MAD1L1: variants seen among roughly 807,000 people sequenced by gnomAD.
MAD1L1 encodes mitotic spindle assembly checkpoint protein MAD1.
MAD1L1 carries 95 observed loss-of-function variants against 96.9 expected under a neutral mutation model. The observed-to-expected ratio is 0.98, with a 90% CI of 0.83 to 1.16. The LOEUF (loss-of-function observed/expected upper bound fraction) is 1.16. Among genes scored for constraint, MAD1L1 ranks in the 50% most tolerant of loss-of-function variants. The probability of loss-of-function intolerance (pLI) is 0.00; values close to 1 mark genes in which losing one functional copy is unlikely to be tolerated. For missense variants in MAD1L1, 1,007 were observed against 954.4 expected (o/e 1.06, Z -0.73); for synonymous variants, 473 against 396.6 (o/e 1.19, Z -2.29).
chr7:1,840,684 G>A (rs550687510), intron 18 of MAD1L1, among the ~76,000 whole-genome samples: 84 of 152,308 alleles, frequency 5.5e-4, no homozygotes, highest in African/African-American at 2.0e-3. Flanking sequence ...AGCCAAGATC[G>A]CGCCACTGCA....
chr7:1,912,383 C>T (rs1251141287), intron 17 of MAD1L1, among the ~76,000 whole-genome samples: 1 of 152,226 alleles, frequency 6.6e-6, no homozygotes, highest in African/African-American at 2.4e-5. Flanking sequence ...GAGGTGACTC[C>T]TCCTGTTTGG....
intron 18 of MAD1L1, among the ~76,000 whole-genome samples, chr7:1,890,143 G>A (rs991197688): frequency 6.6e-6 from 1 of 152,200 alleles, no homozygotes; most frequent in Admixed American, 6.5e-5. Flanking sequence ...TGTCTGGTGT[G>A]GGTATGGTGG....
intron 11 of MAD1L1, among the ~76,000 whole-genome samples, chr7:2,102,586 TCAC>T (rs1399921353): frequency 1.3e-5 from 2 of 150,654 alleles, no homozygotes. Context: ...CACATCCCCA[TCAC>T]CACTGTCACC....
intron 11 of MAD1L1, among the ~76,000 whole-genome samples, chr7:2,105,807 T>C (rs1787059879): frequency 6.6e-6 from 1 of 151,810 alleles, no homozygotes; most frequent in Middle Eastern, 3.4e-3. Flanking sequence ...GCTCCAGCTC[T>C]CTCCTCCTCA....
intron 15 of MAD1L1, among the ~76,000 whole-genome samples, chr7:1,979,768 T>A (rs1189550129): frequency 1.3e-5 from 2 of 152,152 alleles, no homozygotes; most frequent in Non-Finnish European, 2.9e-5. Flanking sequence ...GCTGCTGCAC[T>A]GCCTGGGCTC....
At chr7:2,060,136 T>C (rs994832850) in intron 12 of MAD1L1, among the ~76,000 whole-genome samples, 2 of 149,828 alleles carry the variant, frequency 1.3e-5, no homozygotes, top group African/African-American at 2.5e-5. Flanking sequence ...GATGTCGAGA[T>C]ACGCAGATGC....
intron 11 of MAD1L1, among the ~76,000 whole-genome samples, chr7:2,071,376 C>T (rs1391942393): frequency 6.6e-6 from 1 of 152,264 alleles, no homozygotes; most frequent in Non-Finnish European, 1.5e-5. Context: ...AGCCCACAGA[C>T]TGGGGCCAAT....
chr7:1,923,568 C>G (rs1037151621), intron 17 of MAD1L1, among the ~76,000 whole-genome samples: 1 of 151,776 alleles, frequency 6.6e-6, no homozygotes, highest in Non-Finnish European at 1.5e-5. Flanking sequence ...CGCCTAGAGC[C>G]CAAGAGTGGG....
intron 11 of MAD1L1, among the ~76,000 whole-genome samples, chr7:2,096,801 G>C (rs1184190079): frequency 6.6e-6 from 1 of 152,102 alleles, no homozygotes; most frequent in Non-Finnish European, 1.5e-5. Context: ...CCACCACCCC[G>C]CCCAGCAGAG....
chr7:1,958,656 CCAGT>C (rs1779830327), intron 15 of MAD1L1, among the ~76,000 whole-genome samples: 1 of 152,142 alleles, frequency 6.6e-6, no homozygotes, highest in Non-Finnish European at 1.5e-5. Context: ...TGCCTGCCAT[CCAGT>C]CAAAGATTAC....
intron 18 of MAD1L1, among the ~76,000 whole-genome samples, chr7:1,843,413 C>G (rs2082520158): frequency 6.6e-6 from 1 of 152,126 alleles, no homozygotes; most frequent in Admixed American, 6.5e-5. Context: ...GGGAAGGGGC[C>G]CAGGTGCGGT....
intron 10 of MAD1L1, among the ~76,000 whole-genome samples, chr7:2,184,359 A>G (rs1791358159): frequency 6.6e-6 from 1 of 152,226 alleles, no homozygotes; most frequent in Admixed American, 6.5e-5. Flanking sequence ...GTAACGCCAC[A>G]CAACCGCTGG....
chr7:1,905,138 G>A lies in MAD1L1; in HGVS notation c.1808-6748C>T, dbSNP rs1347127487. 1.9e-4 allele frequency among the ~76,000 whole-genome samples: 16 copies of A among 85,890 alleles called. 6 individuals are homozygous for A. The highest frequency in any genetic ancestry group is 1.5e-3 in the South Asian group (3 of 1,940). The allele number at this position is 85,890 out of a possible 152,430, so 56.3% of individuals were successfully genotyped here. A position where few individuals can be genotyped will look rare whatever the true frequency, so the allele number is the denominator to read the frequency against. Reference sequence around the variant, plus strand: ...AGTGGCCTACGGAAGACGCTCTCGCGGAATTCATGATTGATGAAGCACTGT... The same window carrying A: ...AGTGGCCTACGGAAGACGCTCTCGCAGAATTCATGATTGATGAAGCACTGT... On this transcript the variant is annotated intron_variant, in intron 17 of 18. Transcript: ENST00000265854.
chr7:2,176,753 A>G (rs1195940735), intron 10 of MAD1L1, among the ~76,000 whole-genome samples: 1 of 152,238 alleles, frequency 6.6e-6, no homozygotes, highest in Non-Finnish European at 1.5e-5. Context: ...GTCACAGGAC[A>G]CTGTCAACAT....
At chr7:2,125,639 G>A (rs1462155987) in intron 11 of MAD1L1, among the ~76,000 whole-genome samples, 1 of 152,180 alleles carries the variant, frequency 6.6e-6, no homozygotes, top group Non-Finnish European at 1.5e-5. Context: ...GGTTTCTGAC[G>A]ACTCCAAACA....
At chr7:2,054,337 G>C (rs2128519606) in intron 12 of MAD1L1, among the ~76,000 whole-genome samples, 1 of 152,316 alleles carries the variant, frequency 6.6e-6, no homozygotes, top group Admixed American at 6.5e-5. Flanking sequence ...CGGGCTGGTG[G>C]AGGCGGTCCA....
At chr7:2,210,305 G>C (rs571994229) in intron 10 of MAD1L1, among the ~76,000 whole-genome samples, 1 of 152,026 alleles carries the variant, frequency 6.6e-6, no homozygotes, top group Admixed American at 6.5e-5. Flanking sequence ...ATCTAGGCTC[G>C]AGCAATCCCC....
intron 15 of MAD1L1, among the ~76,000 whole-genome samples, chr7:1,969,311 G>A (rs1157582944): frequency 6.6e-6 from 1 of 152,156 alleles, no homozygotes; most frequent in Non-Finnish European, 1.5e-5. Flanking sequence ...GAACCCGGGA[G>A]GCAGAGGTTG....
intron 10 of MAD1L1, among the ~76,000 whole-genome samples, chr7:2,169,601 T>G (rs550961358): frequency 6.6e-6 from 1 of 152,326 alleles, no homozygotes; most frequent in African/African-American, 2.4e-5. Flanking sequence ...CCGCGCTGCG[T>G]GCAATTAACA....
Sources: gnomAD v4.1 joint callset for allele counts (sites outside exome capture counted in the v4.1 genomes callset) on GRCh38, gnomAD v4.1.1 for gene constraint, MANE v1.5 for transcripts, NCBI Gene and HGNC (gene_info 2026-07-23, HGNC 2026-07-21) for gene names.